OSBPL10: variants seen among roughly 807,000 people sequenced by gnomAD.
OSBPL10 encodes the protein oxysterol-binding protein-related protein 10.
In OSBPL10, 49 loss-of-function variants were observed where a neutral mutation model predicts 81.7. The ratio of observed to expected loss-of-function variants is 0.60; its 90% confidence interval spans 0.48 to 0.76. The LOEUF is 0.76. Among genes scored for constraint, OSBPL10 ranks in the 30% least tolerant of loss-of-function variants. The probability of loss-of-function intolerance (pLI) is 0.00; values close to 1 mark genes in which losing one functional copy is unlikely to be tolerated. For synonymous variants in OSBPL10, 419 were observed against 383.6 expected, an observed-to-expected ratio of 1.09 and a Z score of -1.08; for missense variants, 923 against 987.8, an observed-to-expected ratio of 0.93 and a Z score of 0.88.
chr3:31,829,247 T>C (rs910259322), intron 4 of OSBPL10, among the ~76,000 whole-genome samples: 1 of 152,110 alleles, frequency 6.6e-6, no homozygotes, highest in African/African-American at 2.4e-5. Context: ...ACCTCAGCAC[T>C]CAAAGGAAGT....
At chr3:32,028,073 A>G (rs1043037426) in intron 2 of OSBPL10, among the ~76,000 whole-genome samples, 13 of 152,168 alleles carry the variant, frequency 8.5e-5, no homozygotes, top group Admixed American at 4.6e-4. Flanking sequence ...TGGCCCTAAC[A>G]CTTCATTGAG....
At chr3:31,939,151 T>A (rs1421392299) in intron 1 of OSBPL10, among the ~76,000 whole-genome samples, 1 of 150,160 alleles carries the variant, frequency 6.7e-6, no homozygotes, top group African/African-American at 2.5e-5. Context: ...ATCCTTTTTT[T>A]TTTTTTTTTT....
intron 2 of OSBPL10, among the ~76,000 whole-genome samples, chr3:32,044,135 A>G (rs988335164): frequency 2.0e-4 from 30 of 152,290 alleles, no homozygotes; most frequent in Non-Finnish European, 3.7e-4. Flanking sequence ...AAAATTCCAC[A>G]TATTTATATT....
At chr3:31,864,111 G>A (rs984534701) in intron 3 of OSBPL10, among the ~76,000 whole-genome samples, 6 of 152,156 alleles carry the variant, frequency 3.9e-5, no homozygotes, top group Non-Finnish European at 7.3e-5. Context: ...ACACACGGTG[G>A]GCCATGAGGG....
intron 4 of OSBPL10, among the ~76,000 whole-genome samples, chr3:31,815,156 CCCCTGGCTTGCTCTTCCCGCCCTG>C (rs1699807113): frequency 4.7e-5 from 1 of 21,260 alleles, no homozygotes; most frequent in East Asian, 0.016. Flanking sequence ...GCCCTGCCAG[CCCCTGGCTTGCTCTTCCCGCCCTG>C]AGACAACATG....
chr3:31,699,618 C>T (rs184120796), intron 7 of OSBPL10, among the ~76,000 whole-genome samples: 12 of 152,320 alleles, frequency 7.9e-5, no homozygotes, highest in Admixed American at 4.6e-4. Flanking sequence ...AATTTCAAGA[C>T]AGTGATAGCA....
At chr3:31,678,792 G>C (rs1469659182) in intron 8 of OSBPL10, among the ~76,000 whole-genome samples, 1 of 75,692 alleles carries the variant, frequency 1.3e-5, no homozygotes, top group African/African-American at 6.7e-5. Context: ...CTGTGTGTGT[G>C]TGTGTGTGTG....
At chr3:31,815,387 G>A (rs1699811939) in intron 4 of OSBPL10, among the ~76,000 whole-genome samples, 1 of 152,246 alleles carries the variant, frequency 6.6e-6, no homozygotes, top group Non-Finnish European at 1.5e-5. Context: ...TACAGCAATA[G>A]ATAATCAGGG....
At chr3:31,884,091 G>A (rs1047608324) in intron 1 of OSBPL10, among the ~76,000 whole-genome samples, 1 of 152,114 alleles carries the variant, frequency 6.6e-6, no homozygotes, top group Non-Finnish European at 1.5e-5. Flanking sequence ...CATTATTTAG[G>A]AGCTGGTATA....
intron 4 of OSBPL10, among the ~76,000 whole-genome samples, chr3:31,806,973 G>A (rs902751780): frequency 6.6e-6 from 1 of 152,126 alleles, no homozygotes; most frequent in African/African-American, 2.4e-5. Flanking sequence ...ACATAGCCAG[G>A]GACCTGGTCA....
upstream of OSBPL10, among the ~76,000 whole-genome samples, chr3:31,984,348 G>GT (rs144693842): frequency 0.077 from 11,199 of 144,992 alleles, 575 homozygotes; most frequent in East Asian, 0.32. Flanking sequence ...CCCACCTAAG[G>GT]TTTTTTTTTT....
intron 3 of OSBPL10, among the ~76,000 whole-genome samples, chr3:31,871,920 T>C (rs1559500022): frequency 6.6e-6 from 1 of 152,218 alleles, no homozygotes; most frequent in East Asian, 1.9e-4. Context: ...CTTGCATTTC[T>C]TGCATTTAAG....
chr3:31,924,223 A>T (rs1013035574), intron 1 of OSBPL10, among the ~76,000 whole-genome samples: 6 of 150,884 alleles, frequency 4.0e-5, no homozygotes, highest in Non-Finnish European at 5.9e-5. Context: ...CATCTAAAAA[A>T]AAAAAAGAAA....
intron 1 of OSBPL10, among the ~76,000 whole-genome samples, chr3:31,913,980 T>C (rs1368670037): frequency 2.6e-5 from 4 of 152,240 alleles, no homozygotes; most frequent in Non-Finnish European, 4.4e-5. Flanking sequence ...TGGAGTGCAG[T>C]GGCACAATCT....
chr3:32,030,551 C>G (rs573045294), intron 2 of OSBPL10: 1 of 770,586 alleles, frequency 1.3e-6, no homozygotes, highest in African/African-American at 1.7e-5. Context: ...AAGAAAGAAG[C>G]CAAAGACAAA....
intron 3 of OSBPL10, among the ~76,000 whole-genome samples, chr3:31,843,160 C>G (rs556761009): frequency 1.3e-5 from 2 of 152,312 alleles, no homozygotes; most frequent in Admixed American, 6.5e-5. Flanking sequence ...TCTACAGAAG[C>G]CTGTTTGGAA....
At chr3:31,905,345 A>ATTTTTTTTTTTTTTTTTTATT (rs1696374677) in intron 1 of OSBPL10, among the ~76,000 whole-genome samples, 1 of 94,860 alleles carries the variant, frequency 1.1e-5, no homozygotes, top group South Asian at 3.9e-4. Flanking sequence ...GAACCTGGTG[A>ATTTTTTTTTTTTTTTTTTATT]TTTTTTTTTT....
chr3:31,986,771 G>A (rs1173194430), intron 2 of OSBPL10, among the ~76,000 whole-genome samples: 1 of 152,114 alleles, frequency 6.6e-6, no homozygotes, highest in Non-Finnish European at 1.5e-5. Context: ...AGCACTGTGG[G>A]AGGCTGAGAT....
At chr3:31,957,377 C>A (rs1194512030) in intron 1 of OSBPL10, among the ~76,000 whole-genome samples, 3 of 152,128 alleles carry the variant, frequency 2.0e-5, no homozygotes, top group African/African-American at 4.8e-5. Context: ...CTGAAAGCAA[C>A]CCAGAGCCAC....
Sources: gnomAD v4.1 joint callset for allele counts (sites outside exome capture counted in the v4.1 genomes callset) on GRCh38, gnomAD v4.1.1 for gene constraint, MANE v1.5 for transcripts, NCBI Gene and HGNC (gene_info 2026-07-23, HGNC 2026-07-21) for gene names.